Variants in SATB1 observed in about 807,000 individuals in gnomAD.
The protein encoded by SATB1 is DNA-binding protein SATB1.
Under a neutral mutation model 86.9 loss-of-function variants are expected in SATB1, and 11 were observed. The observed-to-expected ratio is 0.13, with a 90% CI of 0.08 to 0.21. The LOEUF is 0.21. Ranked by LOEUF, SATB1 falls within the 10% of genes least tolerant of loss-of-function variation. The pLI, the probability that SATB1 is intolerant of heterozygous loss-of-function variation, is 1.00. For missense variants in SATB1, 551 were observed against 937.6 expected (o/e 0.59, Z 5.39); for synonymous variants, 357 against 357.2 (o/e 1.00, Z 0.01).
intron 9 of SATB1, among the ~76,000 whole-genome samples, chr3:18,371,093 G>A (rs879324777): frequency 1.3e-5 from 2 of 152,270 alleles, no homozygotes; most frequent in Non-Finnish European, 2.9e-5. Flanking sequence ...TGAGGCGGCC[G>A]AGGAGGCTGG....
Position 18,394,527 on chromosome 3 carries a change from C to T in SATB1, c.1141G>A (p.Asp381Asn). 2 of 1,614,162 alleles carry T rather than the reference C, an allele frequency of 1.2e-6. No individual in the cohort carries two copies. The highest frequency in any genetic ancestry group is 1.7e-6 in the Non-Finnish European group (2 of 1,180,030). ...VSSEIYQWVR[D>N]ELKRAGISQA... ...GAGATTCCTGCTCGTTTCAGTTCAT[C>T]GCGTACCCACTGGTAGATTTCGGAA... is the stretch of plus-strand genomic sequence containing the variant. Residue 381 changes from aspartate (D) to asparagine (N), a missense_variant, in exon 7 of 11, where the codon GAT becomes AAT. By Grantham distance (23) the Asp-to-Asn change is conservative. Around this residue, in one of 8 missense-constraint regions of SATB1, gnomAD observed 119 missense variants for 171.1 expected, o/e 0.70. Transcript: ENST00000338745. This position sits in a 1 kb window ranked among gnomAD's most constrained non-coding sequence, Gnocchi z 5.9.
chr3:18,389,121 C>T (rs1332318609), intron 7 of SATB1, among the ~76,000 whole-genome samples: 1 of 152,016 alleles, frequency 6.6e-6, no homozygotes, highest in Non-Finnish European at 1.5e-5. Context: ...TTTACTACCA[C>T]TTAATTATTC....
chr3:18,351,669 GT>G, intron 10 of SATB1: 1 of 499,350 alleles, frequency 2.0e-6, no homozygotes. Flanking sequence ...GTTTTAAATT[GT>G]GATTTTTAAA....
intron 9 of SATB1, among the ~76,000 whole-genome samples, chr3:18,369,904 T>TG (rs1231283601): frequency 1.3e-5 from 2 of 152,212 alleles, no homozygotes; most frequent in African/African-American, 4.8e-5. Context: ...ACAAGCTCCC[T>TG]GGCCAGCGCC....
intron 9 of SATB1, among the ~76,000 whole-genome samples, chr3:18,362,216 C>T (rs1374302971): frequency 6.6e-6 from 1 of 152,068 alleles, no homozygotes; most frequent in African/African-American, 2.4e-5. Flanking sequence ...CTTCTTTATT[C>T]CAGCCCACCC....
At chr3:18,357,539 C>A (rs1575083764) in intron 9 of SATB1, among the ~76,000 whole-genome samples, 2 of 116,710 alleles carry the variant, frequency 1.7e-5, no homozygotes, top group South Asian at 2.8e-4. Context: ...TAATAGAGGG[C>A]AATTTTTTTT....
At chr3:18,390,014 T>G (rs1223447540) in intron 7 of SATB1, among the ~76,000 whole-genome samples, 1 of 152,186 alleles carries the variant, frequency 6.6e-6, no homozygotes, top group African/African-American at 2.4e-5. Context: ...ACTGCTGAAT[T>G]CCTAAACCTG....
rs767205914 is a variant in SATB1 at position 18,351,987 on chromosome 3, C to T, written c.1779+5G>A. 2 of 1,614,082 alleles carry T rather than the reference C, an allele frequency of 1.2e-6. No homozygotes were observed. The highest frequency in any genetic ancestry group is 1.7e-6 in the Non-Finnish European group (2 of 1,179,964). ...GCTATACTGAATTGGCCAAAGTAAA[C>T]GAACCTGAATCTGCTCTGCTGGAAC... On this transcript the variant is annotated splice_donor_5th_base_variant and intron_variant, in intron 10 of 10. Coordinates refer to ENST00000338745, the MANE Select transcript of SATB1 (RefSeq NM_002971.6).
rs80117646 is a variant in SATB1 at position 18,413,500 on chromosome 3, A to G, written c.639+1611T>C. Among the ~76,000 whole-genome samples the G allele has an allele frequency of 8.0e-3, 1,211 of 152,232 alleles. 19 individuals carry two copies. Among genetic ancestry groups the G allele is most frequent in the East Asian group, 0.048 (250 of 5,168 alleles). ...CTGAGTTTTTAAAAAGTTTATTTCTAGATCATTTCAAATTTTCATATGTTA... is the reference window on the plus strand; with the variant it reads ...CTGAGTTTTTAAAAAGTTTATTTCTGGATCATTTCAAATTTTCATATGTTA... On this transcript the variant is annotated intron_variant, in intron 5 of 10. Coordinates refer to ENST00000338745, the MANE Select transcript of SATB1 (RefSeq NM_002971.6).
chr3:18,400,496 A>G (rs1319877253), intron 5 of SATB1, among the ~76,000 whole-genome samples: 3 of 152,216 alleles, frequency 2.0e-5, no homozygotes, highest in Non-Finnish European at 2.9e-5. Context: ...AGTTGTTCTG[A>G]GAATCCATCA....
At chr3:18,377,099 C>G (rs543089837) in intron 9 of SATB1, among the ~76,000 whole-genome samples, 1 of 152,202 alleles carries the variant, frequency 6.6e-6, no homozygotes, top group Non-Finnish European at 1.5e-5. Context: ...TCAAGTAACA[C>G]TATAAATGTC....
At chr3:18,362,851 T>C (rs1225861751) in intron 9 of SATB1, among the ~76,000 whole-genome samples, 1 of 67,182 alleles carries the variant, frequency 1.5e-5, no homozygotes, top group Non-Finnish European at 2.8e-5. Flanking sequence ...TATTCATATA[T>C]GCCATGTGCA....
At chr3:18,351,615 CT>C in intron 10 of SATB1, 2 of 549,436 alleles carry the variant, frequency 3.6e-6, no homozygotes, top group South Asian at 4.7e-5. Flanking sequence ...AGCGGTTGCT[CT>C]TTTCCTCAGG....
In SATB1 at chr3:18,443,701, C is replaced by T. The variant is rs1377015506; in HGVS notation, c.-25+1817G>A. On this transcript the variant is annotated intron_variant, in intron 1 of 3. Transcript: ENST00000415069. The surrounding 1 kb of genome is among the most constrained non-coding windows in gnomAD (Gnocchi z 4.4). ...CTTCTCGTCGTGGTTTCCCAAACCC[C>T]GGTTCTGCCGGCCCGGGAGCCTTAG... is the stretch of plus-strand genomic sequence containing the variant. Among the ~76,000 whole-genome samples the T allele has an allele frequency of 6.6e-6, 1 of 152,176 alleles. No homozygotes were observed. The highest frequency in any genetic ancestry group is 1.5e-5 in the Non-Finnish European group (1 of 68,028).
intron 9 of SATB1, among the ~76,000 whole-genome samples, chr3:18,363,477 C>A (rs1225915534): frequency 6.6e-6 from 1 of 152,102 alleles, no homozygotes; most frequent in Non-Finnish European, 1.5e-5. Flanking sequence ...GAGACTGGGG[C>A]TTTGCACAGA....
rs1348436390 is a variant in SATB1, at chr3:18,346,825, G to GATA, written c.*2342_*2344dup. 6.6e-6 allele frequency: 1 copy of GATA among 152,098 alleles called. No individual in the cohort carries two copies. Among genetic ancestry groups the GATA allele is most frequent in the African/African-American group, 2.4e-5 (1 of 41,428 alleles). 9.4% of individuals were successfully genotyped at this position (152,098 alleles called of 1,614,324 possible). A position where few individuals can be genotyped will look rare whatever the true frequency, so the allele number is the denominator to read the frequency against. On this transcript the variant is annotated 3_prime_UTR_variant, in exon 11 of 11. Transcript: ENST00000338745. ...ACTTAGGGGATATAAGGAAGAGGAA[G>GATA]ATAACTTCATGGCATTTGAGTTTCT...
upstream of SATB1, among the ~76,000 whole-genome samples, chr3:18,426,782 A>G (rs1161693306): frequency 6.6e-6 from 1 of 152,218 alleles, no homozygotes; most frequent in African/African-American, 2.4e-5. This position sits in a 1 kb window ranked among gnomAD's most constrained non-coding sequence, Gnocchi z 4.2. Context: ...GTACTGAGAT[A>G]AAAGGGAAAT....
chr3:18,435,534 TC>T (rs1245541595), intron 2 of SATB1, among the ~76,000 whole-genome samples: 1 of 152,060 alleles, frequency 6.6e-6, no homozygotes, highest in Non-Finnish European at 1.5e-5. Flanking sequence ...TGATGTAGCC[TC>T]CCCAAAGAAC....
intron 9 of SATB1, among the ~76,000 whole-genome samples, chr3:18,373,014 T>C (rs1695551090): frequency 6.6e-6 from 1 of 152,230 alleles, no homozygotes; most frequent in Non-Finnish European, 1.5e-5. Context: ...CTTACTTGTC[T>C]TCTTGTTTTC....
Sources: gnomAD v4.1 joint callset for allele counts (sites outside exome capture counted in the v4.1 genomes callset) on GRCh38, gnomAD v4.1.1 for gene constraint, gnomAD v4.1.1 regional missense constraint, Gnocchi (gnomAD v3.1) non-coding constraint, MANE v1.5 for transcripts, NCBI Gene and HGNC (gene_info 2026-07-23, HGNC 2026-07-21) for gene names.